Variants in UBE2Z observed in about 807,000 individuals in gnomAD.
UBE2Z encodes ubiquitin-conjugating enzyme E2 Z.
In UBE2Z, 10 loss-of-function variants were observed where a neutral mutation model predicts 32.6. The observed-to-expected ratio is 0.31, with a 90% CI of 0.19 to 0.52. The LOEUF (loss-of-function observed/expected upper bound fraction) is 0.52, where lower values mean the gene tolerates loss of function less well. Among genes scored for constraint, UBE2Z ranks in the 20% least tolerant of loss-of-function variants. The pLI, the probability that UBE2Z is intolerant of heterozygous loss-of-function variation, is 0.97. For missense variants in UBE2Z, 343 were observed against 480.9 expected, an observed-to-expected ratio of 0.71 and a Z score of 2.68; for synonymous variants, 183 against 190.8, an observed-to-expected ratio of 0.96 and a Z score of 0.34.
chr17:48,920,285 A>G (rs1382372405), intron 4 of UBE2Z, among the ~76,000 whole-genome samples: 2 of 152,038 alleles, frequency 1.3e-5, no homozygotes, highest in African/African-American at 4.8e-5. Flanking sequence ...ACCTGAGGTC[A>G]GGCGTTCAGG....
rs1383764178 is a variant in UBE2Z, at chr17:48,908,646, C to T, written c.143C>T (p.Ala48Val). The change falls in exon 1 of 7, where the codon GCG (alanine) becomes GTG (valine). Residue 48 changes from alanine to valine, a missense_variant. Physicochemically the swap from Ala to Val is moderately conservative, Grantham distance 64. Coordinates refer to ENST00000360943, the MANE Select transcript of UBE2Z (RefSeq NM_023079.5). ...CCTTTCCTGCCGGATGTGTGGGCGG[C>T]GGCGGCGGCAGCGGGCGGGGCCGGG... is the stretch of plus-strand genomic sequence containing the variant. ...GPPFLPDVWA[A>V]AAAAGGAGGP... The T allele has an allele frequency of 4.7e-5, 57 of 1,225,294 alleles. No individual in the cohort carries two copies. Among genetic ancestry groups the T allele is most frequent in the Non-Finnish European group, 5.5e-5 (54 of 982,164 alleles). The allele number at this position is 1,225,294 out of a possible 1,614,324, so 75.9% of individuals were successfully genotyped here.
At chr17:48,914,400 G>T (rs986810642) in intron 3 of UBE2Z, among the ~76,000 whole-genome samples, 2 of 152,208 alleles carry the variant, frequency 1.3e-5, no homozygotes, top group East Asian at 3.8e-4. Flanking sequence ...GACTTGCTCA[G>T]ACCCAGGGAT....
intron 4 of UBE2Z, among the ~76,000 whole-genome samples, chr17:48,920,223 G>A (rs973941974): frequency 3.3e-5 from 5 of 152,018 alleles, no homozygotes; most frequent in East Asian, 1.9e-4. Context: ...AGCCGGGTGC[G>A]GTGGCTCATG....
chr17:48,908,590 C>T lies in UBE2Z; in HGVS notation c.87C>T (p.Gly29=), dbSNP rs1567776110. 3.2e-6 allele frequency: 4 copies of T among 1,240,242 alleles called. No homozygotes were observed. Among genetic ancestry groups the T allele is most frequent in the Non-Finnish European group, 1.0e-6 (1 of 988,964 alleles). The allele number at this position is 1,240,242 out of a possible 1,614,324, so 76.8% of individuals were successfully genotyped here. Residue 29 remains glycine (G), a synonymous_variant, in exon 1 of 7, where the codon GGC becomes GGT. Coordinates refer to ENST00000360943, the MANE Select transcript of UBE2Z (RefSeq NM_023079.5). Reference sequence around the variant, plus strand: ...CGAGCAGCGTTGCTGGTGTTGTTGGCGTTAGCGGCAGCGGCGGCGGGTTCG... The same window carrying T: ...CGAGCAGCGTTGCTGGTGTTGTTGGTGTTAGCGGCAGCGGCGGCGGGTTCG... The part of the protein sequence containing the change: ...PGASSVAGVV[G]VSGSGGGFGP...
rs373406840 is a variant in UBE2Z at position 48,910,757 on chromosome 17, C to T, written c.318-51C>T. The T allele has an allele frequency of 4.9e-5, 70 of 1,420,132 alleles. No individual in the cohort carries two copies. In the African/African-American group the frequency reaches 9.3e-4, roughly 19 times the overall value. 88.0% of individuals were successfully genotyped at this position (1,420,132 alleles called of 1,614,324 possible). On this transcript the variant is annotated intron_variant, in intron 1 of 6. Transcript: ENST00000360943. ...AACTGTCCTGCTCAAGGGATTCCCC[C>T]TTTCCCCCTCTTCCTCACTCCTTCC...
At chr17:48,918,186 C>T (rs1344012213) in intron 4 of UBE2Z, among the ~76,000 whole-genome samples, 1 of 152,054 alleles carries the variant, frequency 6.6e-6, no homozygotes, top group East Asian at 1.9e-4. Context: ...GATCCACTCG[C>T]CTTGGCCTCT....
At chr17:48,916,315 GTGCAATCTCAGCTTAC>G in intron 4 of UBE2Z, 128 bp downstream of exon 4, 1 of 509,512 alleles carries the variant, frequency 2.0e-6, no homozygotes, top group Non-Finnish European at 3.2e-6. Flanking sequence ...TAGTGCAGTG[GTGCAATCTCAGCTTAC>G]TGCAACCTCC....
chr17:48,926,259 A>G (rs1598078704), intron 6 of UBE2Z, among the ~76,000 whole-genome samples: 1 of 152,290 alleles, frequency 6.6e-6, no homozygotes, highest in Admixed American at 6.5e-5. Context: ...ATTTTTGAGT[A>G]CAGAGAATAA....
chr17:48,929,009 G>T lies in UBE2Z; in HGVS notation c.*1875G>T, dbSNP rs564987923. On this transcript the variant is annotated 3_prime_UTR_variant, in exon 7 of 7. Coordinates refer to ENST00000360943, the MANE Select transcript of UBE2Z (RefSeq NM_023079.5). ...GACTGTATATAAATGAAGTTTTTTTGTTTTTTTTGTTTTCCTTTTTGGTGC... is the reference window on the plus strand; with the variant it reads ...GACTGTATATAAATGAAGTTTTTTTTTTTTTTTTGTTTTCCTTTTTGGTGC... The T allele has an allele frequency of 9.5e-4, 144 of 152,342 alleles. No individual in the cohort carries two copies. Among genetic ancestry groups the T allele is most frequent in the African/African-American group, 3.3e-3 (137 of 41,446 alleles). 9.4% of individuals were successfully genotyped at this position (152,342 alleles called of 1,614,324 possible).
chr17:48,908,927 G>T, intron 1 of UBE2Z, 107 bp downstream of exon 1: 1 of 914,478 alleles, frequency 1.1e-6, no homozygotes, highest in South Asian at 2.3e-5. Flanking sequence ...CGCTGCCCTC[G>T]CGGCGGCCCA....
rs778435080 is a variant in UBE2Z at position 48,913,036 on chromosome 17, T to C, written c.578+15T>C. The C allele has an allele frequency of 8.7e-6, 14 of 1,610,268 alleles. No homozygotes were observed. Among genetic ancestry groups the C allele is most frequent in the African/African-American group, 1.3e-5 (1 of 74,826 alleles). On this transcript the variant is annotated intron_variant, in intron 3 of 6. Transcript: ENST00000360943. ...AGTATTCTAGGGTAAGAGGAGACTTTTAAGTAGCCAAGTCGGTTGTTAGCA... is the reference window on the plus strand; with the variant it reads ...AGTATTCTAGGGTAAGAGGAGACTTCTAAGTAGCCAAGTCGGTTGTTAGCA...
At chr17:48,918,827 A>G (rs1057200675) in intron 4 of UBE2Z, among the ~76,000 whole-genome samples, 3 of 146,376 alleles carry the variant, frequency 2.0e-5, no homozygotes, top group Non-Finnish European at 4.5e-5. Context: ...GCTCACTGCA[A>G]CCTCTGCCTC....
At chr17:48,916,391 T>G (rs1598073659) in intron 4 of UBE2Z, among the ~76,000 whole-genome samples, 1 of 151,450 alleles carries the variant, frequency 6.6e-6, no homozygotes, top group Non-Finnish European at 1.5e-5. Context: ...TAGCTGGGAC[T>G]ACAGGCGTGT....
Position 48,921,186 on chromosome 17 carries a change from C to T in UBE2Z, c.717C>T (p.Asn239=). The T allele has an allele frequency of 6.2e-7, 1 of 1,612,278 alleles. No individual in the cohort carries two copies. The highest frequency in any genetic ancestry group is 8.5e-7 in the Non-Finnish European group (1 of 1,179,196). ...AGAGACATCCAGGAGACAGCAAAAA[C>T]TATAATGAATGTATCCGGCACGAGA... The part of the protein sequence containing the change: ...EQERHPGDSK[N]YNECIRHETI... The change falls in exon 5 of 7, where the codon AAC becomes AAT. Residue 239 remains asparagine (N), a synonymous_variant. Coordinates refer to ENST00000360943, the MANE Select transcript of UBE2Z (RefSeq NM_023079.5).
At chr17:48,912,639 T>C (rs2040688535) in intron 2 of UBE2Z, 195 bp from the exon 3 acceptor site, 3 of 579,456 alleles carry the variant, frequency 5.2e-6, no homozygotes, top group Non-Finnish European at 9.0e-6. Flanking sequence ...TCCACTGTAA[T>C]GAGATTTCTT....
At chr17:48,922,088 G>A (rs567300414) in intron 5 of UBE2Z, among the ~76,000 whole-genome samples, 1 of 152,280 alleles carries the variant, frequency 6.6e-6, no homozygotes, top group South Asian at 2.1e-4. Flanking sequence ...TGTAGGGGAA[G>A]TCAACCACGG....
chr17:48,919,835 A>G (rs2143770096), intron 4 of UBE2Z, among the ~76,000 whole-genome samples: 2 of 152,338 alleles, frequency 1.3e-5, no homozygotes, highest in African/African-American at 4.8e-5. Flanking sequence ...GACATATAAC[A>G]GGTAAAGGGG....
intron 1 of UBE2Z, 55 bp downstream of exon 1, chr17:48,908,875 GC>G: frequency 2.6e-6 from 3 of 1,165,804 alleles, no homozygotes; most frequent in Non-Finnish European, 3.2e-6. Context: ...GACCTTCCCC[GC>G]CCCCCACCCT....
Position 48,910,885 on chromosome 17 carries a change from G to A in UBE2Z, c.390+5G>A. The A allele has an allele frequency of 6.2e-7, 1 of 1,612,568 alleles. No homozygotes were observed. Among genetic ancestry groups the A allele is most frequent in the Non-Finnish European group, 8.5e-7 (1 of 1,178,798 alleles). On this transcript the variant is annotated splice_donor_5th_base_variant and intron_variant, in intron 2 of 6. Transcript: ENST00000360943. ...GATACTGTTGACATGACTAAGGTAT[G>A]TAACTTGATGGGGGTTTGGGGGGTT...
Sources: gnomAD v4.1 joint callset for allele counts (sites outside exome capture counted in the v4.1 genomes callset) on GRCh38, gnomAD v4.1.1 for gene constraint, MANE v1.5 for transcripts, NCBI Gene and HGNC (gene_info 2026-07-23, HGNC 2026-07-21) for gene names.